Variants in MAML3 observed in about 807,000 individuals in gnomAD.
The protein encoded by MAML3 is mastermind like transcriptional coactivator 3.
Under a neutral mutation model 101.9 loss-of-function variants are expected in MAML3, and 27 were observed. The observed-to-expected ratio is 0.27, with a 90% CI of 0.20 to 0.37. The LOEUF (loss-of-function observed/expected upper bound fraction) is 0.37, where lower values mean the gene tolerates loss of function less well. Among genes scored for constraint, MAML3 ranks in the 10% least tolerant of loss-of-function variants. The pLI is 1.00. For synonymous variants in MAML3, 501 were observed against 555.9 expected (o/e 0.90, Z 1.39); for missense variants, 1,316 against 1,444.9 (o/e 0.91, Z 1.45).
intron 1 of MAML3, among the ~76,000 whole-genome samples, chr4:140,020,145 G>C (rs550244190): frequency 6.6e-6 from 1 of 152,192 alleles, no homozygotes; most frequent in Admixed American, 6.5e-5. Context: ...ACTGCATTTG[G>C]AAGTATTACA....
At chr4:140,088,843 G>A (rs144849693) in intron 1 of MAML3, among the ~76,000 whole-genome samples, 74 of 152,302 alleles carry the variant, frequency 4.9e-4, no homozygotes, top group South Asian at 1.9e-3. Context: ...GTCATCAGAT[G>A]TAAGCTGAGT....
chr4:140,035,414 T>C lies in MAML3; in HGVS notation c.468+117446A>G, dbSNP rs368436132. On this transcript the variant is annotated intron_variant, in intron 1 of 4. Coordinates refer to ENST00000509479, the MANE Select transcript of MAML3 (RefSeq NM_018717.5). ...CTCCTTGTTTTATCCAATAGTATAATTACTGCAATCATCACTTAATAACAT... is the reference window on the plus strand; with the variant it reads ...CTCCTTGTTTTATCCAATAGTATAACTACTGCAATCATCACTTAATAACAT... Among the ~76,000 whole-genome samples the C allele has an allele frequency of 5.3e-5, 8 of 152,294 alleles. No homozygotes were observed. In the East Asian group the frequency reaches 1.2e-3, roughly 22 times the overall value.
intron 1 of MAML3, among the ~76,000 whole-genome samples, chr4:139,962,494 C>G (rs1734039005): frequency 6.6e-6 from 1 of 152,196 alleles, no homozygotes; most frequent in Non-Finnish European, 1.5e-5. Flanking sequence ...TTTTATGTGA[C>G]AGCACTGTAA....
At chr4:139,731,616 CA>C (rs146139547) in intron 2 of MAML3, among the ~76,000 whole-genome samples, 3 of 150,398 alleles carry the variant, frequency 2.0e-5, no homozygotes, top group African/African-American at 7.3e-5. Flanking sequence ...GACTCTTTCT[CA>C]AAAAAAAAGA....
intron 1 of MAML3, among the ~76,000 whole-genome samples, chr4:139,994,533 G>A (rs1734765687): frequency 6.6e-6 from 1 of 152,062 alleles, no homozygotes; most frequent in African/African-American, 2.4e-5. Flanking sequence ...GGTGGTGCAT[G>A]CCTGAAGTTC....
chr4:139,896,999 CAG>C (rs1310809350), intron 1 of MAML3, among the ~76,000 whole-genome samples: 2 of 152,128 alleles, frequency 1.3e-5, no homozygotes, highest in Non-Finnish European at 2.9e-5. Context: ...TTCCATGGGC[CAG>C]AGTGTCCATG....
chr4:139,759,737 T>C (rs1317396019), intron 2 of MAML3, among the ~76,000 whole-genome samples: 4 of 151,608 alleles, frequency 2.6e-5, no homozygotes, highest in South Asian at 2.1e-4. Flanking sequence ...GATAAAAATA[T>C]TTTTTTGCAT....
intron 2 of MAML3, among the ~76,000 whole-genome samples, chr4:139,842,553 C>T (rs887239521): frequency 6.6e-6 from 1 of 151,904 alleles, no homozygotes; most frequent in South Asian, 2.1e-4. Flanking sequence ...GGATCTTGCT[C>T]TGCCACCCAG....
intron 2 of MAML3, among the ~76,000 whole-genome samples, chr4:139,753,382 A>ATCTG (rs1474993288): frequency 6.6e-6 from 1 of 151,106 alleles, no homozygotes; most frequent in Non-Finnish European, 1.5e-5. Context: ...CTATCTATCT[A>ATCTG]TCTATTTTTT....
At chr4:140,030,243 G>A (rs1167971760) in intron 1 of MAML3, among the ~76,000 whole-genome samples, 2 of 152,210 alleles carry the variant, frequency 1.3e-5, no homozygotes, top group East Asian at 1.9e-4. Flanking sequence ...TCACACGTCA[G>A]TGACTTCATG....
At chr4:139,959,761 C>T (rs1733979007) in intron 1 of MAML3, among the ~76,000 whole-genome samples, 1 of 152,084 alleles carries the variant, frequency 6.6e-6, no homozygotes, top group South Asian at 2.1e-4. Context: ...ATAAATGTAT[C>T]TTTTGTTTGA....
intron 1 of MAML3, among the ~76,000 whole-genome samples, chr4:139,920,221 T>C (rs1321586932): frequency 6.6e-6 from 1 of 152,218 alleles, no homozygotes; most frequent in African/African-American, 2.4e-5. Flanking sequence ...GAATAATCCA[T>C]ATTTTAATGG....
At chr4:140,080,565 A>T (rs1727846821) in intron 1 of MAML3, among the ~76,000 whole-genome samples, 1 of 152,180 alleles carries the variant, frequency 6.6e-6, no homozygotes, top group Non-Finnish European at 1.5e-5. Flanking sequence ...AAATAGAAGG[A>T]GAAGAAACTG....
At chr4:139,916,171 C>T (rs954568534) in intron 1 of MAML3, among the ~76,000 whole-genome samples, 2 of 152,184 alleles carry the variant, frequency 1.3e-5, no homozygotes, top group Admixed American at 6.5e-5. Context: ...ACAAGCCTCA[C>T]CACTTGTGAA....
intron 2 of MAML3, among the ~76,000 whole-genome samples, chr4:139,849,585 T>C (rs1227898449): frequency 6.6e-6 from 1 of 152,176 alleles, no homozygotes; most frequent in African/African-American, 2.4e-5. Context: ...TGGGTGATGA[T>C]GAAGGTAAAA....
At chr4:139,726,062 G>A (rs910665770) in intron 3 of MAML3, among the ~76,000 whole-genome samples, 8 of 152,170 alleles carry the variant, frequency 5.3e-5, no homozygotes, top group Non-Finnish European at 7.3e-5. Flanking sequence ...GAAACAGAAC[G>A]CTGCCAGGAG....
chr4:140,051,553 G>C (rs1161968583), intron 1 of MAML3, among the ~76,000 whole-genome samples: 1 of 147,088 alleles, frequency 6.8e-6, no homozygotes, highest in African/African-American at 2.5e-5. Context: ...ATGAGACTCA[G>C]TCTCAAAAAA....
chr4:139,875,527 C>T (rs1359170998), intron 2 of MAML3, among the ~76,000 whole-genome samples: 5 of 152,078 alleles, frequency 3.3e-5, no homozygotes, highest in Non-Finnish European at 7.4e-5. Context: ...TAATGAGGCT[C>T]ATCAAAACCC....
At chr4:139,728,740 T>C (rs1265259606) in intron 3 of MAML3, among the ~76,000 whole-genome samples, 1 of 152,154 alleles carries the variant, frequency 6.6e-6, no homozygotes, top group Admixed American at 6.5e-5. Flanking sequence ...ACCTCTCACC[T>C]CCTTGTCTGG....
Sources: gnomAD v4.1 joint callset for allele counts (sites outside exome capture counted in the v4.1 genomes callset) on GRCh38, gnomAD v4.1.1 for gene constraint, MANE v1.5 for transcripts, NCBI Gene and HGNC (gene_info 2026-07-23, HGNC 2026-07-21) for gene names.